The following TMCC1 variants were observed in gnomAD, a reference collection of about 807,000 sequenced individuals.
TMCC1 encodes transmembrane and coiled-coil domains protein 1.
A neutral mutation model predicts 52.4 loss-of-function variants in TMCC1; 15 were observed. The observed-to-expected ratio is 0.29, with a 90% confidence interval of 0.19 to 0.44. TMCC1 has a LOEUF of 0.44. Among genes scored for constraint, TMCC1 ranks in the 20% least tolerant of loss-of-function variants. The pLI, the probability that TMCC1 is intolerant of heterozygous loss-of-function variation, is 1.00. For synonymous variants in TMCC1, 279 were observed against 301.9 expected (o/e 0.92, Z 0.79); for missense variants, 503 against 806.0 (o/e 0.62, Z 4.55).
At chr3:129,766,310 CA>C (rs1008863834) in intron 4 of TMCC1, among the ~76,000 whole-genome samples, 7 of 152,216 alleles carry the variant, frequency 4.6e-5, no homozygotes, top group African/African-American at 1.7e-4. Flanking sequence ...CATGCCAGGA[CA>C]TCTGTTTCTG....
At chr3:129,765,383 T>C (rs991736747) in intron 4 of TMCC1, among the ~76,000 whole-genome samples, 1 of 152,082 alleles carries the variant, frequency 6.6e-6, no homozygotes, top group Non-Finnish European at 1.5e-5. Context: ...AATATTGATA[T>C]TTTTAAATAT....
intron 4 of TMCC1, among the ~76,000 whole-genome samples, chr3:129,759,930 C>G (rs1359703001): frequency 6.6e-6 from 1 of 151,458 alleles, no homozygotes; most frequent in Non-Finnish European, 1.5e-5. Flanking sequence ...ACCATGTTAG[C>G]CAGGATGGTC....
intron 4 of TMCC1, among the ~76,000 whole-genome samples, chr3:129,702,798 T>C (rs953185457): frequency 1.3e-5 from 2 of 152,158 alleles, no homozygotes; most frequent in African/African-American, 2.4e-5. Context: ...GGTAGATCAC[T>C]GGATATCAGG....
chr3:129,732,892 C>T (rs892052508), intron 4 of TMCC1, among the ~76,000 whole-genome samples: 9 of 152,176 alleles, frequency 5.9e-5, no homozygotes, highest in African/African-American at 1.9e-4. Flanking sequence ...ATTACAATAT[C>T]GCCTTCCCAT....
chr3:129,796,959 C>G (rs911130648), intron 4 of TMCC1, among the ~76,000 whole-genome samples: 6 of 152,184 alleles, frequency 3.9e-5, no homozygotes, highest in Admixed American at 3.9e-4. Flanking sequence ...AATGATTATT[C>G]TCAACTATGC....
At chr3:129,711,676 C>T (rs2048690617) in intron 4 of TMCC1, among the ~76,000 whole-genome samples, 1 of 151,572 alleles carries the variant, frequency 6.6e-6, no homozygotes, top group Admixed American at 6.6e-5. Context: ...GAAACCCTAA[C>T]TCTACTAATA....
At chr3:129,788,417 C>T (rs1229342592) in intron 4 of TMCC1, among the ~76,000 whole-genome samples, 1 of 152,046 alleles carries the variant, frequency 6.6e-6, no homozygotes, top group Non-Finnish European at 1.5e-5. Flanking sequence ...TTATCCATTC[C>T]CACTACATCA....
At chr3:129,680,690 C>G (rs942989594) in intron 4 of TMCC1, among the ~76,000 whole-genome samples, 1 of 152,110 alleles carries the variant, frequency 6.6e-6, no homozygotes, top group Admixed American at 6.6e-5. Flanking sequence ...CATTTGAGGT[C>G]AGGAGTTCGA....
Position 129,883,237 on chromosome 3 carries a change from G to A in TMCC1, c.-434-2678C>T, listed in dbSNP as rs200366662. On this transcript the variant is annotated intron_variant, in intron 1 of 6. Transcript: ENST00000393238. ...TGAGGCAGGAGAATCGCTTGAACCC[G>A]GGAGGCGGAGGTTGCAGTGAGCTGA... Among the ~76,000 whole-genome samples, 15 of 152,008 alleles carry A rather than the reference G, an allele frequency of 9.9e-5. 1 individual carries two copies. Among genetic ancestry groups the A allele is most frequent in the South Asian group, 6.2e-4 (3 of 4,824 alleles).
At chr3:129,851,839 T>C (rs547727231) in intron 2 of TMCC1, among the ~76,000 whole-genome samples, 40 of 152,262 alleles carry the variant, frequency 2.6e-4, no homozygotes, top group African/African-American at 8.9e-4. Flanking sequence ...TACCATGGAA[T>C]GTTATTCAGC....
intron 4 of TMCC1, among the ~76,000 whole-genome samples, chr3:129,733,420 A>G (rs2050701410): frequency 6.6e-6 from 1 of 152,226 alleles, no homozygotes; most frequent in Non-Finnish European, 1.5e-5. Context: ...TAGTTTCATT[A>G]TTGGAGTAAT....
intron 4 of TMCC1, among the ~76,000 whole-genome samples, chr3:129,755,831 G>A (rs1015325059): frequency 3.3e-5 from 5 of 152,158 alleles, no homozygotes; most frequent in East Asian, 1.9e-4. Context: ...AGGCTGGGGC[G>A]GTGGCTCACG....
chr3:129,784,317 G>C (rs1045019564), intron 4 of TMCC1, among the ~76,000 whole-genome samples: 4 of 152,230 alleles, frequency 2.6e-5, no homozygotes, highest in African/African-American at 7.2e-5. Flanking sequence ...GGTGGCTCGC[G>C]CCTGTAATCC....
intron 4 of TMCC1, among the ~76,000 whole-genome samples, chr3:129,785,586 A>AAC (rs10576514): frequency 2.4e-4 from 31 of 128,278 alleles, no homozygotes; most frequent in Non-Finnish European, 3.8e-4. Flanking sequence ...CACACACACA[A>AAC]ACACACACAC....
intron 2 of TMCC1, among the ~76,000 whole-genome samples, chr3:129,856,275 ACTC>A (rs1396417932): frequency 2.0e-5 from 3 of 152,152 alleles, no homozygotes. Context: ...GATCGTGAGA[ACTC>A]CTGGATAGGT....
intron 4 of TMCC1, among the ~76,000 whole-genome samples, chr3:129,739,070 G>A (rs2051234524): frequency 1.3e-5 from 2 of 152,122 alleles, no homozygotes; most frequent in Admixed American, 6.5e-5. Context: ...ACCTACCTTG[G>A]TCTCCCAAAC....
chr3:129,684,348 G>A (rs1316757281), intron 4 of TMCC1, among the ~76,000 whole-genome samples: 1 of 152,218 alleles, frequency 6.6e-6, no homozygotes, highest in Non-Finnish European at 1.5e-5. Flanking sequence ...TACTTAAATG[G>A]TAAGGATCCA....
chr3:129,769,573 C>T (rs1242619261), intron 4 of TMCC1, among the ~76,000 whole-genome samples: 1 of 148,050 alleles, frequency 6.8e-6, no homozygotes, highest in African/African-American at 2.5e-5. Flanking sequence ...TTTTTTCAAG[C>T]TCATTAGCTA....
chr3:129,842,239 GC>G (rs2059450930), intron 2 of TMCC1, among the ~76,000 whole-genome samples: 2 of 152,130 alleles, frequency 1.3e-5, no homozygotes, highest in African/African-American at 4.8e-5. Context: ...GCTGGGGTGG[GC>G]AGATCACTTG....
Sources: gnomAD v4.1 joint callset for allele counts (sites outside exome capture counted in the v4.1 genomes callset) on GRCh38, gnomAD v4.1.1 for gene constraint, MANE v1.5 for transcripts, NCBI Gene and HGNC (gene_info 2026-07-23, HGNC 2026-07-21) for gene names.